TRPM3: variants seen among roughly 807,000 people sequenced by gnomAD.
TRPM3 encodes transient receptor potential cation channel subfamily M member 3, also known as long transient receptor potential channel 3.
TRPM3 carries 77 observed loss-of-function variants against 181.2 expected under a neutral mutation model. The ratio of observed to expected loss-of-function variants is 0.42; its 90% CI spans 0.35 to 0.51. The LOEUF (loss-of-function observed/expected upper bound fraction) is 0.51. TRPM3 is among the 20% of genes least tolerant of loss of function. TRPM3 has a pLI of 0.01. For missense variants in TRPM3, 1,759 were observed against 2,196.7 expected (o/e 0.80, Z 3.98); for synonymous variants, 745 against 796.4 (o/e 0.94, Z 1.09).
intron 1 of TRPM3, among the ~76,000 whole-genome samples, chr9:70,958,379 T>A (rs1288558255): frequency 6.6e-6 from 1 of 152,230 alleles, no homozygotes; most frequent in Non-Finnish European, 1.5e-5. Flanking sequence ...ATATAGCAAC[T>A]AGTTTACAGT....
chr9:71,292,298 G>GA (rs777855728), intron 1 of TRPM3, among the ~76,000 whole-genome samples: 44 of 151,254 alleles, frequency 2.9e-4, no homozygotes, highest in Non-Finnish European at 4.0e-4. Context: ...CAAGCTATCA[G>GA]AAAAAAATAA....
At chr9:70,776,630 G>A in intron 7 of TRPM3, 1 of 545,774 alleles carries the variant, frequency 1.8e-6, no homozygotes, top group Non-Finnish European at 3.2e-6. Flanking sequence ...TTGCTTTTCA[G>A]GGAAGAATGT....
intron 1 of TRPM3, among the ~76,000 whole-genome samples, chr9:71,195,626 T>A (rs1346207319): frequency 6.6e-6 from 1 of 152,120 alleles, no homozygotes; most frequent in Non-Finnish European, 1.5e-5. Context: ...CAAAGGAATA[T>A]AAATTGTTCT....
At chr9:71,024,207 CTT>C (rs1232615105) in intron 1 of TRPM3, among the ~76,000 whole-genome samples, 25 of 152,088 alleles carry the variant, frequency 1.6e-4, no homozygotes, top group South Asian at 6.2e-4. Context: ...ACACAAAATA[CTT>C]TCTCAATAAA....
chr9:71,287,180 A>AAGAT (rs1051178802), intron 1 of TRPM3, among the ~76,000 whole-genome samples: 64 of 148,918 alleles, frequency 4.3e-4, no homozygotes, highest in African/African-American at 1.4e-3. Flanking sequence ...ATAACATAAT[A>AAGAT]AGATAGTATC....
intron 5 of TRPM3, among the ~76,000 whole-genome samples, chr9:70,840,633 A>T (rs893729127): frequency 1.3e-5 from 2 of 152,158 alleles, no homozygotes; most frequent in Admixed American, 1.3e-4. Context: ...AAAAAAAATG[A>T]GGAGTGAAGG....
intron 9 of TRPM3, among the ~76,000 whole-genome samples, chr9:70,672,381 C>G (rs1393389675): frequency 6.6e-6 from 1 of 152,182 alleles, no homozygotes; most frequent in African/African-American, 2.4e-5. Context: ...ATCACTCTGT[C>G]TAACCTATGT....
intron 1 of TRPM3, among the ~76,000 whole-genome samples, chr9:71,422,824 T>G (rs1377542318): frequency 6.6e-6 from 1 of 152,038 alleles, no homozygotes; most frequent in African/African-American, 2.4e-5. Context: ...GACAACTATA[T>G]ATTATAGCAA....
At position 70,784,129 on chromosome 9, in the gene TRPM3, C is replaced by T; in HGVS notation, c.1124G>A (p.Gly375Glu). The T allele has an allele frequency of 6.2e-7, 1 of 1,613,438 alleles. No individual in the cohort carries two copies. The highest frequency in any genetic ancestry group is 1.1e-5 in the South Asian group (1 of 91,002). Reference sequence around the variant, plus strand: ...CCCGCCTTCTTCTGAGTATTTATGCCCAAAGGCCAGGATGTCCGATGCCCG... The same window carrying T: ...CCCGCCTTCTTCTGAGTATTTATGCTCAAAGGCCAGGATGTCCGATGCCCG... ...SGRASDILAF[G>E]HKYSEEGGLI... The change falls in exon 7 of 26, where the codon GGG becomes GAG. Residue 375 changes from glycine (G) to glutamate (E), a missense_variant. Around this residue, in one of 8 missense-constraint regions of TRPM3, gnomAD observed 737 missense variants for 957.4 expected, o/e 0.77. Transcript: ENST00000677713.
At chr9:71,401,550 C>T (rs1436138962) in intron 1 of TRPM3, among the ~76,000 whole-genome samples, 4 of 152,116 alleles carry the variant, frequency 2.6e-5, no homozygotes, top group South Asian at 2.1e-4. Flanking sequence ...GAATCTAAAG[C>T]GAAGTTGAAG....
At chr9:70,757,843 G>A (rs752814218) in intron 8 of TRPM3, among the ~76,000 whole-genome samples, 61 of 152,076 alleles carry the variant, frequency 4.0e-4, no homozygotes, top group Non-Finnish European at 7.8e-4. Context: ...AATAATAAAA[G>A]CTATTTATGA....
At chr9:71,364,455 A>G (rs1217406383) in intron 1 of TRPM3, among the ~76,000 whole-genome samples, 1 of 152,260 alleles carries the variant, frequency 6.6e-6, no homozygotes, top group Non-Finnish European at 1.5e-5. Context: ...GATTACCTCA[A>G]CATATCTGCC....
chr9:71,233,029 C>T (rs917061897), intron 1 of TRPM3, among the ~76,000 whole-genome samples: 5 of 152,066 alleles, frequency 3.3e-5, no homozygotes, highest in African/African-American at 9.7e-5. Flanking sequence ...TTCAAGCCCC[C>T]GACTTCTGCT....
intron 1 of TRPM3, among the ~76,000 whole-genome samples, chr9:70,882,265 T>A (rs1218281158): frequency 6.6e-6 from 1 of 152,180 alleles, no homozygotes; most frequent in Admixed American, 6.5e-5. Context: ...AGAGTCTTTA[T>A]CCTTCTGAGA....
chr9:70,700,197 G>A (rs1378305462), intron 8 of TRPM3, among the ~76,000 whole-genome samples: 1 of 152,176 alleles, frequency 6.6e-6, no homozygotes, highest in Non-Finnish European at 1.5e-5. Flanking sequence ...TGGCCAGGCT[G>A]GTCTTGAACT....
At chr9:71,004,379 C>A (rs577168334) in intron 1 of TRPM3, among the ~76,000 whole-genome samples, 115 of 152,336 alleles carry the variant, frequency 7.5e-4, no homozygotes, top group African/African-American at 2.6e-3. Flanking sequence ...CAATTCAGTT[C>A]CTGTGCAGTG....
rs184339577 is a variant in TRPM3, at chr9:71,421,339, T to A, written c.183+25314A>T. Among the ~76,000 whole-genome samples, 51 of 151,746 alleles carry A rather than the reference T, an allele frequency of 3.4e-4. No homozygotes were observed. The East Asian group carries it at 8.4e-3, about 25-fold the overall frequency. On this transcript the variant is annotated intron_variant, in intron 1 of 24. Coordinates refer to the TRPM3 transcript ENST00000357533. ...GTATACCCACGTAACAAACCACCAA[T>A]CTACTCCCTGTATCTAAAATAAAAG...
chr9:71,399,185 A>G (rs1247888384), intron 1 of TRPM3, among the ~76,000 whole-genome samples: 1 of 152,214 alleles, frequency 6.6e-6, no homozygotes, highest in Non-Finnish European at 1.5e-5. Context: ...GTATAATTAT[A>G]TAATGAAATA....
chr9:71,427,179 T>C (rs1211470888), intron 1 of TRPM3, among the ~76,000 whole-genome samples: 1 of 152,120 alleles, frequency 6.6e-6, no homozygotes, highest in Non-Finnish European at 1.5e-5. Flanking sequence ...GGAGTCCAGG[T>C]TGTTGTTGAT....
Sources: gnomAD v4.1 joint callset for allele counts (sites outside exome capture counted in the v4.1 genomes callset) on GRCh38, gnomAD v4.1.1 for gene constraint, gnomAD v4.1.1 regional missense constraint, MANE v1.5 for transcripts, NCBI Gene and HGNC (gene_info 2026-07-23, HGNC 2026-07-21) for gene names.